CERS6: variants seen among roughly 807,000 people sequenced by gnomAD.
CERS6 encodes the protein ceramide synthase 6, also known as LAG1 homolog, ceramide synthase 6.
CERS6 carries 26 observed loss-of-function variants against 56.8 expected under a neutral mutation model. That is an observed-to-expected ratio of 0.46 (90% CI 0.34 to 0.63). CERS6 has a LOEUF of 0.63. Among genes scored for constraint, CERS6 ranks in the 30% least tolerant of loss-of-function variants. The pLI, the probability that CERS6 is intolerant of heterozygous loss-of-function variation, is 0.01. For missense variants in CERS6, 415 were observed against 467.5 expected, an observed-to-expected ratio of 0.89 and a Z score of 1.04; for synonymous variants, 164 against 173.3, an observed-to-expected ratio of 0.95 and a Z score of 0.42.
chr2:168,681,480 A>G (rs1355896600), intron 4 of CERS6, among the ~76,000 whole-genome samples: 1 of 152,192 alleles, frequency 6.6e-6, no homozygotes, highest in Non-Finnish European at 1.5e-5. Flanking sequence ...TTGGGTTTTT[A>G]AAAATTATTC....
intron 4 of CERS6, among the ~76,000 whole-genome samples, chr2:168,684,160 CTT>C (rs1686288429): frequency 6.6e-6 from 1 of 152,030 alleles, no homozygotes; most frequent in South Asian, 2.1e-4. Flanking sequence ...ATGAAGGACT[CTT>C]TATGTAATGC....
At chr2:168,567,963 C>T (rs1695914151) in intron 3 of CERS6, among the ~76,000 whole-genome samples, 1 of 152,228 alleles carries the variant, frequency 6.6e-6, no homozygotes, top group Non-Finnish European at 1.5e-5. Context: ...TCGAGTAAGC[C>T]TTTGAAACCT....
intron 3 of CERS6, among the ~76,000 whole-genome samples, chr2:168,574,834 A>G (rs1383335601): frequency 1.3e-5 from 2 of 152,202 alleles, no homozygotes; most frequent in Non-Finnish European, 2.9e-5. Context: ...TAAATCCCCA[A>G]ATGTTTGAAG....
At chr2:168,762,803 C>T (rs903767012) in intron 8 of CERS6, among the ~76,000 whole-genome samples, 1 of 152,186 alleles carries the variant, frequency 6.6e-6, no homozygotes, top group Non-Finnish European at 1.5e-5. Flanking sequence ...TCATTCTAGT[C>T]TATAAATAGG....
At chr2:168,693,576 C>G (rs1024836493) in intron 5 of CERS6, among the ~76,000 whole-genome samples, 1 of 152,126 alleles carries the variant, frequency 6.6e-6, no homozygotes, top group African/African-American at 2.4e-5. Flanking sequence ...TCGTTAATGC[C>G]TTCAAGTTTT....
intron 4 of CERS6, among the ~76,000 whole-genome samples, chr2:168,632,935 G>T (rs996723590): frequency 2.6e-5 from 4 of 152,126 alleles, no homozygotes; most frequent in Non-Finnish European, 5.9e-5. Flanking sequence ...CGGCAATGCG[G>T]TTATCTGTCA....
intron 3 of CERS6, among the ~76,000 whole-genome samples, chr2:168,623,778 T>A (rs1442308930): frequency 1.3e-5 from 2 of 152,190 alleles, no homozygotes; most frequent in African/African-American, 4.8e-5. Flanking sequence ...GTATCTGAGT[T>A]TTTTTCTGAC....
At position 168,547,614 on chromosome 2, in the gene CERS6, C is replaced by T. The variant is rs112644047; in HGVS notation, c.189C>T (p.Cys63=). 227 of 1,613,000 alleles carry T rather than the reference C, an allele frequency of 1.4e-4. 2 individuals are homozygous for T. The highest frequency in any genetic ancestry group is 9.9e-4 in the South Asian group (90 of 91,048). The stretch of plus-strand genomic sequence containing the variant: ...TTTTTAGATTTGTAGCCAAACCGTG[C>T]GCCATAGCCCTCAACATTCAGGCCA... ...LIFERFVAKP[C]AIALNIQANG... is the part of the protein sequence containing the mutation. The change falls in exon 2 of 10, where the codon TGC becomes TGT. Residue 63 remains cysteine (C), a synonymous_variant. Transcript: ENST00000305747.
intron 8 of CERS6, among the ~76,000 whole-genome samples, chr2:168,761,781 A>G (rs1455454269): frequency 6.6e-6 from 1 of 152,184 alleles, no homozygotes; most frequent in Non-Finnish European, 1.5e-5. Flanking sequence ...CCTGGCCTGC[A>G]AACTGATGTT....
At chr2:168,559,463 C>T (rs1417223216) in intron 2 of CERS6, among the ~76,000 whole-genome samples, 1 of 151,968 alleles carries the variant, frequency 6.6e-6, no homozygotes, top group Non-Finnish European at 1.5e-5. Context: ...TCCTGGTTGG[C>T]ACATGGCCAT....
chr2:168,648,724 C>T (rs1685267202), intron 4 of CERS6, among the ~76,000 whole-genome samples: 1 of 152,156 alleles, frequency 6.6e-6, no homozygotes, highest in Non-Finnish European at 1.5e-5. Flanking sequence ...TATGTTTTAT[C>T]TTTGTTCTCA....
At chr2:168,721,080 G>A (rs7600773) in intron 8 of CERS6, among the ~76,000 whole-genome samples, 143,847 of 152,238 alleles carry the variant, frequency 0.94, 68,082 homozygotes, top group Non-Finnish European at 0.98. Flanking sequence ...TGCTGCTGTA[G>A]ACAAACCTAT....
chr2:168,742,773 G>C (rs1683955557), intron 8 of CERS6, among the ~76,000 whole-genome samples: 1 of 152,198 alleles, frequency 6.6e-6, no homozygotes, highest in African/African-American at 2.4e-5. Context: ...GACTGGGGAA[G>C]TACAAGAGGG....
At chr2:168,724,516 T>C (rs1683285832) in intron 8 of CERS6, among the ~76,000 whole-genome samples, 2 of 152,092 alleles carry the variant, frequency 1.3e-5, no homozygotes, top group African/African-American at 4.8e-5. Flanking sequence ...GAGAGGGCGC[T>C]GATTGGTGCT....
In CERS6 at chr2:168,644,208, G is replaced by C. The variant is rs1685118782; in HGVS notation, c.465+13166G>C. ...TGTCTAGGATTACAGAAGGGGGAGGGAGGATTTCAGATAGGGTGCTCAGGG... is the reference window on the plus strand; with the variant it reads ...TGTCTAGGATTACAGAAGGGGGAGGCAGGATTTCAGATAGGGTGCTCAGGG... On this transcript the variant is annotated intron_variant, in intron 4 of 9. Coordinates refer to ENST00000305747, the MANE Select transcript of CERS6 (RefSeq NM_203463.3). The C allele has an allele frequency of 5.4e-6, 5 of 928,694 alleles. No homozygotes were observed. In the South Asian group the frequency reaches 2.5e-4, roughly 47 times the overall value. The allele number at this position is 928,694 out of a possible 1,614,324, so 57.5% of individuals were successfully genotyped here. A position where few individuals can be genotyped will look rare whatever the true frequency, so the allele number is the denominator to read the frequency against.
chr2:168,548,247 G>A (rs1236192329), intron 2 of CERS6, among the ~76,000 whole-genome samples: 1 of 152,164 alleles, frequency 6.6e-6, no homozygotes, highest in Non-Finnish European at 1.5e-5. Flanking sequence ...TAGGTTCACT[G>A]TGGAGAATAA....
chr2:168,484,167 G>GTTTTTTTTTTTTTTTTTTTT (rs34492119), intron 1 of CERS6, among the ~76,000 whole-genome samples: 5 of 51,612 alleles, frequency 9.7e-5, no homozygotes, highest in Non-Finnish European at 1.5e-4. Context: ...TCTTTTTTCT[G>GTTTTTTTTTTTTTTTTTTTT]TTTTTTTTTT....
intron 8 of CERS6, among the ~76,000 whole-genome samples, chr2:168,720,320 A>G (rs1164545686): frequency 2.0e-5 from 3 of 152,158 alleles, no homozygotes; most frequent in Non-Finnish European, 4.4e-5. Flanking sequence ...TTGAAATTCA[A>G]TGTATATTTC....
Position 168,695,013 on chromosome 2 carries a change from T to G in CERS6, c.571T>G (p.Ser191Ala). 1 of 1,613,604 alleles carries G rather than the reference T, an allele frequency of 6.2e-7. No homozygotes were observed. Among genetic ancestry groups the G allele is most frequent in the Non-Finnish European group, 8.5e-7 (1 of 1,179,640 alleles). ...CATCCTGGAGCTGTCGTTTTATTGG[T>G]CTTTGATGTTTTCTCAGTTCACTGA... ...YYILELSFYWSLMFSQFTDIK... is the reference protein window; with the variant it reads ...YYILELSFYWALMFSQFTDIK... Residue 191 changes from serine (S) to alanine (A), a missense_variant, in exon 6 of 10, where the codon TCT becomes GCT. Ser to Ala is a moderately conservative substitution (Grantham distance 99). Transcript: ENST00000305747.
Sources: allele counts gnomAD v4.1 joint callset (sites outside exome capture counted in the v4.1 genomes callset), GRCh38; gene constraint gnomAD v4.1.1; transcripts MANE v1.5; gene names NCBI Gene and HGNC (gene_info 2026-07-23, HGNC 2026-07-21).